Variants in LCORL observed in about 807,000 individuals in gnomAD.
LCORL encodes the protein ligand dependent nuclear receptor corepressor like.
Under a neutral mutation model 141.8 loss-of-function variants are expected in LCORL, and 41 were observed. That is an observed-to-expected ratio of 0.29 (90% CI 0.23 to 0.38). The LOEUF is 0.38. Among genes scored for constraint, LCORL ranks in the 10% least tolerant of loss-of-function variants. The pLI, the probability that LCORL is intolerant of heterozygous loss-of-function variation, is 1.00. For synonymous variants in LCORL, 618 were observed against 694.1 expected, an observed-to-expected ratio of 0.89 and a Z score of 1.72; for missense variants, 1,759 against 2,035.0, an observed-to-expected ratio of 0.86 and a Z score of 2.61.
chr4:17,976,091 T>C (rs1482894170), intron 1 of LCORL, among the ~76,000 whole-genome samples: 2 of 152,204 alleles, frequency 1.3e-5, no homozygotes, highest in South Asian at 2.1e-4. Flanking sequence ...AACTTTCTTA[T>C]GATAAGCAGC....
Position 17,843,325 on chromosome 4 carries a change from A to G in LCORL, c.*2563T>C. ...AGTGATCATGAAGTTCCAGAACCAG[A>G]ATCAGAAATGAAGATGAGACTACCA... is the stretch of plus-strand genomic sequence containing the variant. On this transcript the variant is annotated 3_prime_UTR_variant, in exon 8 of 8. Transcript: ENST00000635767. The G allele has an allele frequency of 3.1e-6, 5 of 1,611,934 alleles. No individual in the cohort carries two copies. In the South Asian group the frequency reaches 5.5e-5, roughly 18 times the overall value.
chr4:17,967,406 G>T (rs1038221257), intron 2 of LCORL, among the ~76,000 whole-genome samples: 1 of 151,880 alleles, frequency 6.6e-6, no homozygotes, highest in Non-Finnish European at 1.5e-5. Context: ...TGTAAACTGT[G>T]GAATTTTGTT....
rs143331064 is a variant in LCORL, at chr4:17,911,775, C to T, written c.431-2430G>A. On this transcript the variant is annotated intron_variant, in intron 4 of 7. Coordinates refer to ENST00000635767, the Ensembl canonical transcript of LCORL. ...CCTGGCTGGTCAGCAGCGTGGCTGG[C>T]GTCTATGCAGGTGCCGGGAGCTCTG... is the stretch of plus-strand genomic sequence containing the variant. 399 of 456,434 alleles carry T rather than the reference C, an allele frequency of 8.7e-4. 2 individuals carry two copies. In the East Asian group the frequency reaches 0.017, roughly 19 times the overall value. The allele number at this position is 456,434 out of a possible 1,614,324, so 28.3% of individuals were successfully genotyped here. A position where few individuals can be genotyped will look rare whatever the true frequency, so the allele number is the denominator to read the frequency against.
rs910298206 is a variant in LCORL, at chr4:17,948,961, C to T, written c.430+12942G>A. Reference sequence around the variant, plus strand: ...CTGTAGGGTCTAAGCAGCGTAAGGGCTGAGAATATGTCCTTGTTTTTGGCA... The same window carrying T: ...CTGTAGGGTCTAAGCAGCGTAAGGGTTGAGAATATGTCCTTGTTTTTGGCA... On this transcript the variant is annotated intron_variant, in intron 4 of 7. Transcript: ENST00000635767. 1.8e-4 allele frequency among the ~76,000 whole-genome samples: 27 copies of T among 152,096 alleles called. 1 individual carries two copies. The highest frequency in any genetic ancestry group is 4.6e-4 in the African/African-American group (19 of 41,528).
At chr4:17,946,809 A>G (rs1276465208) in intron 4 of LCORL, among the ~76,000 whole-genome samples, 1 of 151,972 alleles carries the variant, frequency 6.6e-6, no homozygotes, top group Admixed American at 6.6e-5. Context: ...ATTACACTCT[A>G]TTTGCAGAGA....
chr4:17,986,645 G>A (rs1352774683), intron 1 of LCORL, among the ~76,000 whole-genome samples: 2 of 151,958 alleles, frequency 1.3e-5, no homozygotes, highest in South Asian at 4.1e-4. Context: ...GTTTATACTG[G>A]CTACTTTGTC....
At chr4:17,962,904 A>T (rs1028218571) in intron 3 of LCORL, 66 bp downstream of exon 3, 1 of 832,370 alleles carries the variant, frequency 1.2e-6, no homozygotes, top group Non-Finnish European at 1.8e-6. Flanking sequence ...ACAAATTAAG[A>T]TAAAAAAAAA....
intron 1 of LCORL, among the ~76,000 whole-genome samples, chr4:18,001,157 C>T (rs1176919685): frequency 2.6e-5 from 4 of 152,020 alleles, no homozygotes; most frequent in Admixed American, 6.6e-5. Context: ...GGCAACAGAG[C>T]GAGACCCTGT....
intron 4 of LCORL, among the ~76,000 whole-genome samples, chr4:17,910,311 C>T (rs555031271): frequency 6.6e-6 from 1 of 152,276 alleles, no homozygotes; most frequent in Admixed American, 6.5e-5. Flanking sequence ...GCTCCATTCC[C>T]TTTATTTATT....
At chr4:17,978,084 T>A (rs1323166323) in intron 1 of LCORL, among the ~76,000 whole-genome samples, 1 of 152,234 alleles carries the variant, frequency 6.6e-6, no homozygotes, top group Non-Finnish European at 1.5e-5. Context: ...AGTTTTAGTA[T>A]ACTTCTTTGC....
chr4:17,972,133 C>T (rs1468769641), intron 2 of LCORL, among the ~76,000 whole-genome samples: 1 of 151,704 alleles, frequency 6.6e-6, no homozygotes, highest in African/African-American at 2.4e-5. Flanking sequence ...AATATGTTGA[C>T]CTTACAGGTT....
intron 4 of LCORL, among the ~76,000 whole-genome samples, chr4:17,957,502 G>C (rs1396750228): frequency 6.6e-6 from 1 of 151,968 alleles, no homozygotes; most frequent in Non-Finnish European, 1.5e-5. Flanking sequence ...GATTGTAAAG[G>C]GGTAGGAGAC....
chr4:17,888,308 C>T (rs993353495), intron 5 of LCORL, among the ~76,000 whole-genome samples: 1 of 152,002 alleles, frequency 6.6e-6, no homozygotes, highest in African/African-American at 2.4e-5. Flanking sequence ...CAGAGTATCT[C>T]GAAAAATTAT....
At chr4:17,993,485 G>A (rs150588337) in intron 1 of LCORL, among the ~76,000 whole-genome samples, 38 of 152,060 alleles carry the variant, frequency 2.5e-4, no homozygotes, top group African/African-American at 7.0e-4. Context: ...GATTACAGGC[G>A]GGAGCCACCA....
chr4:17,861,504 C>T (rs1725011099), intron 7 of LCORL, among the ~76,000 whole-genome samples: 1 of 152,182 alleles, frequency 6.6e-6, no homozygotes, highest in Non-Finnish European at 1.5e-5. Context: ...GGCCTCTGGG[C>T]CTGTGATGGG....
chr4:17,910,473 G>C (rs1236443951), intron 4 of LCORL, among the ~76,000 whole-genome samples: 1 of 152,148 alleles, frequency 6.6e-6, no homozygotes, highest in Non-Finnish European at 1.5e-5. Flanking sequence ...CCCTTACTCA[G>C]GTAGATCAGT....
intron 1 of LCORL, among the ~76,000 whole-genome samples, chr4:17,993,756 T>C (rs1303224400): frequency 2.6e-5 from 4 of 151,834 alleles, no homozygotes; most frequent in African/African-American, 4.8e-5. Flanking sequence ...AAGTGGCGAA[T>C]AGAATGAAAA....
chr4:17,864,240 T>A (rs1725354800), intron 7 of LCORL, among the ~76,000 whole-genome samples: 4 of 152,214 alleles, frequency 2.6e-5, no homozygotes, highest in Admixed American at 6.5e-5. Context: ...CCACTTTTTT[T>A]TTAAAACAGT....
At chr4:17,980,901 C>T (rs1033160939) in intron 1 of LCORL, among the ~76,000 whole-genome samples, 3 of 152,104 alleles carry the variant, frequency 2.0e-5, no homozygotes, top group Non-Finnish European at 4.4e-5. Flanking sequence ...TAATGCCTAA[C>T]GATCTGAGGG....
Sources: allele counts gnomAD v4.1 joint callset (sites outside exome capture counted in the v4.1 genomes callset), GRCh38; gene constraint gnomAD v4.1.1; transcripts MANE v1.5; gene names NCBI Gene and HGNC (gene_info 2026-07-23, HGNC 2026-07-21).